Variants in FGGY observed in about 807,000 individuals in gnomAD.
FGGY encodes the protein FGGY carbohydrate kinase domain-containing protein.
Under a neutral mutation model 71.3 loss-of-function variants are expected in FGGY, and 72 were observed. That is an observed-to-expected ratio of 1.01 (90% CI 0.84 to 1.23). The LOEUF (loss-of-function observed/expected upper bound fraction) is 1.23, where lower values mean the gene tolerates loss of function less well. Ranked by LOEUF, FGGY falls within the 50% of genes most tolerant of loss-of-function variation. The probability of loss-of-function intolerance (pLI) is 0.00; values close to 1 mark genes in which losing one functional copy is unlikely to be tolerated. For synonymous variants in FGGY, 251 were observed against 250.3 expected (o/e 1.00, Z -0.02); for missense variants, 668 against 682.3 (o/e 0.98, Z 0.23).
intron 4 of FGGY, among the ~76,000 whole-genome samples, chr1:59,368,353 C>T (rs541257216): frequency 6.9e-4 from 105 of 152,202 alleles, no homozygotes; most frequent in African/African-American, 2.4e-3. Context: ...TCCAAAAGGC[C>T]CAAAATCACA....
At chr1:59,546,528 TGATGATG>T (rs538144288) in intron 7 of FGGY, among the ~76,000 whole-genome samples, 12 of 101,782 alleles carry the variant, frequency 1.2e-4, no homozygotes, top group South Asian at 3.1e-4. Flanking sequence ...ATGATGATGA[TGATGATG>T]ATTATTATTA....
intron 8 of FGGY, among the ~76,000 whole-genome samples, chr1:59,593,137 G>T (rs564759354): frequency 1.1e-4 from 17 of 152,178 alleles, no homozygotes; most frequent in Non-Finnish European, 2.1e-4. Flanking sequence ...TGTGGCCTGT[G>T]ACCACAAGAA....
intron 7 of FGGY, among the ~76,000 whole-genome samples, chr1:59,533,656 G>A (rs553392913): frequency 4.6e-5 from 7 of 152,288 alleles, no homozygotes; most frequent in South Asian, 2.1e-4. Flanking sequence ...ACCTGAGAAC[G>A]GGCAGACTGC....
chr1:59,473,631 G>A (rs554961578), intron 6 of FGGY, among the ~76,000 whole-genome samples: 1 of 152,318 alleles, frequency 6.6e-6, no homozygotes, highest in South Asian at 2.1e-4. Context: ...AAGCAAGGTG[G>A]AGAGGAGTAG....
chr1:59,355,366 G>T (rs2054111497), intron 4 of FGGY, among the ~76,000 whole-genome samples: 1 of 151,968 alleles, frequency 6.6e-6, no homozygotes, highest in Admixed American at 6.6e-5. Context: ...CTATCAGTAT[G>T]GAAAAAAAGA....
At chr1:59,555,298 A>G (rs918362673) in intron 8 of FGGY, among the ~76,000 whole-genome samples, 3 of 152,228 alleles carry the variant, frequency 2.0e-5, no homozygotes, top group Non-Finnish European at 4.4e-5. Flanking sequence ...ATTCTTGCAC[A>G]TGGCATCCCA....
intron 8 of FGGY, among the ~76,000 whole-genome samples, chr1:59,561,236 G>C (rs1335690672): frequency 1.3e-5 from 2 of 152,184 alleles, no homozygotes; most frequent in Non-Finnish European, 2.9e-5. Context: ...ACCTAACAAT[G>C]AAAGTGCTGA....
intron 14 of FGGY, among the ~76,000 whole-genome samples, chr1:59,700,502 G>T (rs1355059499): frequency 1.3e-5 from 2 of 152,174 alleles, no homozygotes; most frequent in Non-Finnish European, 2.9e-5. Flanking sequence ...CACAGGTCGT[G>T]TGCAATAAGA....
At chr1:59,402,393 C>A (rs756664475) in intron 5 of FGGY, among the ~76,000 whole-genome samples, 19 of 152,108 alleles carry the variant, frequency 1.2e-4, no homozygotes, top group Non-Finnish European at 2.8e-4. Flanking sequence ...CAAGAGTGGG[C>A]TACATCACAG....
At chr1:59,509,548 C>T (rs895443762) in intron 6 of FGGY, among the ~76,000 whole-genome samples, 3 of 152,174 alleles carry the variant, frequency 2.0e-5, no homozygotes, top group African/African-American at 7.2e-5. Flanking sequence ...TGTCCTTCAA[C>T]ACCCACCCCC....
chr1:59,759,343 G>A (rs952606477), intron 15 of FGGY, among the ~76,000 whole-genome samples: 53 of 152,172 alleles, frequency 3.5e-4, no homozygotes, highest in African/African-American at 1.2e-3. Flanking sequence ...CAGGCATTGC[G>A]TAGGGGAGCT....
intron 2 of FGGY, among the ~76,000 whole-genome samples, chr1:59,322,263 C>T (rs572180304): frequency 6.7e-5 from 10 of 149,538 alleles, no homozygotes; most frequent in African/African-American, 2.2e-4. Flanking sequence ...AGCAGTCTGA[C>T]TCCAGAGGTG....
In FGGY at chr1:59,321,525, G is replaced by A. The variant is rs1323100043; in HGVS notation, c.-14-11G>A. 6.2e-7 allele frequency: 1 copy of A among 1,611,220 alleles called. No individual in the cohort carries two copies. The highest frequency in any genetic ancestry group is 1.3e-5 in the African/African-American group (1 of 74,886). ...TGGTCTTCATATGGTTTTTACACTTGCTTACTATAGGTGGAGGAACTGCAA... is the reference window on the plus strand; with the variant it reads ...TGGTCTTCATATGGTTTTTACACTTACTTACTATAGGTGGAGGAACTGCAA... On this transcript the variant is annotated splice_polypyrimidine_tract_variant and intron_variant, in intron 1 of 15. Coordinates refer to ENST00000303721, the MANE Select transcript of FGGY (RefSeq NM_018291.5).
intron 2 of FGGY, among the ~76,000 whole-genome samples, chr1:59,328,294 A>G (rs1458186013): frequency 6.6e-6 from 1 of 152,252 alleles, no homozygotes; most frequent in African/African-American, 2.4e-5. Flanking sequence ...GAGTTTCTAC[A>G]TCAGCACTTG....
intron 8 of FGGY, among the ~76,000 whole-genome samples, chr1:59,587,184 A>G (rs1040383261): frequency 5.3e-5 from 8 of 152,320 alleles, no homozygotes; most frequent in East Asian, 3.9e-4. Context: ...ACGGAGTCTC[A>G]CTGATTGCTA....
chr1:59,456,118 A>G (rs748392408), intron 5 of FGGY, among the ~76,000 whole-genome samples: 18 of 152,150 alleles, frequency 1.2e-4, no homozygotes, highest in Non-Finnish European at 2.5e-4. Flanking sequence ...ATTAACACCC[A>G]TGAACCCATC....
At chr1:59,472,510 C>G (rs962281351) in intron 6 of FGGY, among the ~76,000 whole-genome samples, 3 of 152,384 alleles carry the variant, frequency 2.0e-5, no homozygotes, top group African/African-American at 7.2e-5. Context: ...ACCTGCAGCC[C>G]CGGTGCGGGA....
rs190679455 is a variant in FGGY, at chr1:59,325,543, C to T, written c.201+3793C>T. On this transcript the variant is annotated intron_variant, in intron 2 of 15. Transcript: ENST00000303721. The stretch of plus-strand genomic sequence containing the variant: ...TCTTCACCCAGATCACTTTCTACTC[C>T]TTATCTTTGCATTTTACTTGTTGGC... 5.4e-3 allele frequency among the ~76,000 whole-genome samples: 829 copies of T among 152,282 alleles called. 7 individuals are homozygous for T. The highest frequency in any genetic ancestry group is 0.01 in the Middle Eastern group (3 of 294).
At chr1:59,472,123 T>C (rs2092973462) in intron 6 of FGGY, among the ~76,000 whole-genome samples, 2 of 151,970 alleles carry the variant, frequency 1.3e-5, no homozygotes, top group African/African-American at 4.8e-5. Context: ...CGGGGAGGTG[T>C]GGAAGGAGAG....
Sources: gnomAD v4.1 joint callset for allele counts (sites outside exome capture counted in the v4.1 genomes callset) on GRCh38, gnomAD v4.1.1 for gene constraint, MANE v1.5 for transcripts, NCBI Gene and HGNC (gene_info 2026-07-23, HGNC 2026-07-21) for gene names.